LRRC4C: variants seen among roughly 807,000 people sequenced by gnomAD.
LRRC4C encodes the protein leucine-rich repeat-containing protein 4C.
Under a neutral mutation model 33.6 loss-of-function variants are expected in LRRC4C, and 5 were observed. That is an observed-to-expected ratio of 0.15 (90% confidence interval 0.08 to 0.31). The LOEUF is 0.31. Ranked by LOEUF, LRRC4C falls within the 10% of genes least tolerant of loss-of-function variation. LRRC4C has a pLI of 1.00. For synonymous variants in LRRC4C, 329 were observed against 302.0 expected (o/e 1.09, Z -0.93); for missense variants, 560 against 796.7 (o/e 0.70, Z 3.58).
At chr11:40,622,988 A>T (rs1033175167) in intron 3 of LRRC4C, among the ~76,000 whole-genome samples, 11 of 151,858 alleles carry the variant, frequency 7.2e-5, no homozygotes, top group African/African-American at 2.7e-4. Flanking sequence ...ATTTAAATTT[A>T]AAAAATAATG....
intron 1 of LRRC4C, among the ~76,000 whole-genome samples, chr11:41,389,432 A>G (rs1953493416): frequency 6.6e-6 from 1 of 151,782 alleles, no homozygotes; most frequent in Non-Finnish European, 1.5e-5. Flanking sequence ...CACAGCGACT[A>G]AGTTTCAATT....
At chr11:40,279,134 T>G (rs1040103469) in intron 4 of LRRC4C, among the ~76,000 whole-genome samples, 2 of 152,158 alleles carry the variant, frequency 1.3e-5, no homozygotes, top group Non-Finnish European at 2.9e-5. Flanking sequence ...ACACCTGAAC[T>G]CCATGTACTG....
chr11:40,874,795 G>A (rs1954809393), intron 2 of LRRC4C, among the ~76,000 whole-genome samples: 2 of 152,178 alleles, frequency 1.3e-5, no homozygotes, highest in South Asian at 4.1e-4. Context: ...CAGCAACATA[G>A]TATAGTACCA....
chr11:40,776,881 C>T (rs1012977084), intron 2 of LRRC4C, among the ~76,000 whole-genome samples: 2 of 152,090 alleles, frequency 1.3e-5, no homozygotes, highest in African/African-American at 4.8e-5. Context: ...AAACTTTCCT[C>T]TTAATACTAC....
At chr11:40,414,627 G>T (rs1471226959) in intron 3 of LRRC4C, among the ~76,000 whole-genome samples, 4 of 151,950 alleles carry the variant, frequency 2.6e-5, no homozygotes, top group African/African-American at 9.7e-5. Context: ...ACAGTTAAAT[G>T]AACTGTTCTT....
At chr11:40,482,879 A>G (rs138126595) in intron 3 of LRRC4C, among the ~76,000 whole-genome samples, 2 of 152,318 alleles carry the variant, frequency 1.3e-5, no homozygotes, top group African/African-American at 4.8e-5. Flanking sequence ...CAGTCCTAAT[A>G]GAATAGCACA....
chr11:41,357,145 GGAGA>G (rs138272717), intron 1 of LRRC4C, among the ~76,000 whole-genome samples: 37 of 151,870 alleles, frequency 2.4e-4, no homozygotes, highest in African/African-American at 8.9e-4. Flanking sequence ...AGAAAGAGAA[GGAGA>G]GAGAGAGAGA....
At chr11:41,420,831 A>T (rs1269898224) in intron 1 of LRRC4C, among the ~76,000 whole-genome samples, 1 of 152,034 alleles carries the variant, frequency 6.6e-6, no homozygotes, top group Non-Finnish European at 1.5e-5. Context: ...CAGTAACATG[A>T]CCAAAACAGT....
intron 1 of LRRC4C, among the ~76,000 whole-genome samples, chr11:40,980,299 C>A (rs1034694270): frequency 6.6e-6 from 1 of 152,152 alleles, no homozygotes; most frequent in Non-Finnish European, 1.5e-5. Flanking sequence ...GAAATGTTCT[C>A]TTGGGCAAGA....
chr11:41,007,413 T>A (rs1161569741), intron 1 of LRRC4C, among the ~76,000 whole-genome samples: 1 of 152,106 alleles, frequency 6.6e-6, no homozygotes, highest in Non-Finnish European at 1.5e-5. Context: ...TTATACAATT[T>A]GGCAAGAATG....
chr11:41,361,186 C>T (rs186708881), intron 1 of LRRC4C, among the ~76,000 whole-genome samples: 188 of 152,286 alleles, frequency 1.2e-3, no homozygotes, highest in African/African-American at 3.8e-3. Flanking sequence ...GTCACAAGAG[C>T]ATAATGTTTC....
chr11:40,391,419 A>T (rs1949332618), intron 3 of LRRC4C, among the ~76,000 whole-genome samples: 1 of 152,200 alleles, frequency 6.6e-6, no homozygotes, highest in African/African-American at 2.4e-5. Flanking sequence ...TTTCTAATTA[A>T]GCACTGCTTT....
intron 3 of LRRC4C, among the ~76,000 whole-genome samples, chr11:40,630,374 C>CTTCTTCTTCTTCTTCTTCTT: frequency 1.4e-5 from 1 of 73,536 alleles, no homozygotes; most frequent in Non-Finnish European, 3.6e-5. Context: ...TCTTCTTCTT[C>CTTCTTCTTCTTCTTCTTCTT]TTCTTCTTCT....
intron 3 of LRRC4C, among the ~76,000 whole-genome samples, chr11:40,330,505 G>A (rs546530761): frequency 3.3e-5 from 5 of 152,036 alleles, no homozygotes; most frequent in African/African-American, 7.2e-5. Flanking sequence ...CTGGTCTCAC[G>A]ATGCTATGAA....
At chr11:40,998,380 C>A (rs1224698774) in intron 1 of LRRC4C, among the ~76,000 whole-genome samples, 1 of 151,788 alleles carries the variant, frequency 6.6e-6, no homozygotes, top group South Asian at 2.1e-4. Context: ...CACAATAATG[C>A]CATTCTAATA....
intron 1 of LRRC4C, among the ~76,000 whole-genome samples, chr11:41,319,311 C>T (rs1266161604): frequency 6.9e-6 from 1 of 145,234 alleles, no homozygotes; most frequent in African/African-American, 2.5e-5. Flanking sequence ...ATATTTAAAT[C>T]TGCAAGGGGT....
chr11:40,860,091 AAAATAAAT>A (rs58718030), intron 2 of LRRC4C, among the ~76,000 whole-genome samples: 112 of 144,232 alleles, frequency 7.8e-4, no homozygotes, highest in African/African-American at 2.7e-3. Flanking sequence ...GTCCCCCCAA[AAAATAAAT>A]AAATAAATAA....
chr11:40,779,939 A>G (rs1043462891), intron 2 of LRRC4C, among the ~76,000 whole-genome samples: 6 of 152,178 alleles, frequency 3.9e-5, no homozygotes, highest in Admixed American at 2.0e-4. Flanking sequence ...TGGCAATACC[A>G]CAACATCAAT....
intron 1 of LRRC4C, among the ~76,000 whole-genome samples, chr11:41,216,875 CCTAT>C (rs575210288): frequency 9.0e-4 from 137 of 152,104 alleles, no homozygotes; most frequent in African/African-American, 2.8e-3. Context: ...AATTTAGATA[CCTAT>C]CTATGTTTTT....
Sources: gnomAD v4.1 joint callset for allele counts (sites outside exome capture counted in the v4.1 genomes callset) on GRCh38, gnomAD v4.1.1 for gene constraint, MANE v1.5 for transcripts, NCBI Gene and HGNC (gene_info 2026-07-23, HGNC 2026-07-21) for gene names.